The following SGCZ variants were observed in gnomAD, a reference collection of about 807,000 sequenced individuals.
SGCZ encodes sarcoglycan zeta.
A neutral mutation model predicts 41.3 loss-of-function variants in SGCZ; 40 were observed. That is an observed-to-expected ratio of 0.97 (90% CI 0.75 to 1.26). The LOEUF (loss-of-function observed/expected upper bound fraction) is 1.26, where lower values mean the gene tolerates loss of function less well. Ranked by LOEUF, SGCZ falls within the 50% of genes most tolerant of loss-of-function variation. The pLI, the probability that SGCZ is intolerant of heterozygous loss-of-function variation, is 0.00. For missense variants in SGCZ, 552 were observed against 369.8 expected (o/e 1.49, Z -4.04); for synonymous variants, 206 against 137.5 (o/e 1.50, Z -3.49).
chr8:15,065,231 C>G (rs982565206), intron 1 of SGCZ, among the ~76,000 whole-genome samples: 1 of 152,062 alleles, frequency 6.6e-6, no homozygotes, highest in South Asian at 2.1e-4. Context: ...ATTTTCTCAC[C>G]CCTTCCCCTG....
chr8:14,269,179 T>C (rs913266929), intron 3 of SGCZ, among the ~76,000 whole-genome samples: 2 of 152,146 alleles, frequency 1.3e-5, no homozygotes, highest in Non-Finnish European at 2.9e-5. Flanking sequence ...CTTAAGGTTT[T>C]ATCATAGCAT....
intron 4 of SGCZ, among the ~76,000 whole-genome samples, chr8:14,209,665 C>T (rs1211113054): frequency 6.6e-6 from 1 of 151,934 alleles, no homozygotes; most frequent in African/African-American, 2.4e-5. Flanking sequence ...AATATAATAT[C>T]CTTTTTATTA....
intron 1 of SGCZ, among the ~76,000 whole-genome samples, chr8:14,566,790 G>A (rs541390264): frequency 7.2e-5 from 11 of 152,338 alleles, no homozygotes; most frequent in Middle Eastern, 3.4e-3. Context: ...CAAGGCCGGA[G>A]CTGGCTCCCT....
chr8:14,375,653 A>G (rs1326168148), intron 2 of SGCZ, among the ~76,000 whole-genome samples: 1 of 152,194 alleles, frequency 6.6e-6, no homozygotes, highest in Non-Finnish European at 1.5e-5. Context: ...CAGAACATAT[A>G]TATGAAAGTT....
chr8:14,965,246 T>C (rs1474116824), intron 1 of SGCZ, among the ~76,000 whole-genome samples: 1 of 152,052 alleles, frequency 6.6e-6, no homozygotes, highest in Non-Finnish European at 1.5e-5. Flanking sequence ...TCCTCCTCAA[T>C]AGTGCCACCC....
chr8:14,617,785 G>A (rs1460295414), intron 1 of SGCZ, among the ~76,000 whole-genome samples: 2 of 152,040 alleles, frequency 1.3e-5, no homozygotes, highest in Non-Finnish European at 2.9e-5. Flanking sequence ...TCCCTCTGTG[G>A]TTGGGAAAGA....
chr8:14,910,831 T>C (rs1799261051), intron 1 of SGCZ, among the ~76,000 whole-genome samples: 1 of 152,008 alleles, frequency 6.6e-6, no homozygotes, highest in Non-Finnish European at 1.5e-5. Context: ...TACATTCATA[T>C]TCTTATTAAA....
At chr8:15,211,627 A>G (rs1363482222) in intron 1 of SGCZ, among the ~76,000 whole-genome samples, 1 of 152,120 alleles carries the variant, frequency 6.6e-6, no homozygotes, top group Admixed American at 6.6e-5. Flanking sequence ...CTGGAAAACA[A>G]TATCATACCT....
chr8:14,853,838 G>T (rs1803438900), intron 1 of SGCZ, among the ~76,000 whole-genome samples: 1 of 151,784 alleles, frequency 6.6e-6, no homozygotes, highest in African/African-American at 2.4e-5. Flanking sequence ...TGAACCAGAA[G>T]ACCAATTTAG....
chr8:15,143,197 T>C (rs375359258), intron 1 of SGCZ, among the ~76,000 whole-genome samples: 45 of 152,214 alleles, frequency 3.0e-4, no homozygotes, highest in African/African-American at 9.4e-4. Flanking sequence ...TTTCATTAGA[T>C]TGTCTGCTAC....
At chr8:14,782,998 G>C (rs960699477) in intron 1 of SGCZ, among the ~76,000 whole-genome samples, 1 of 152,128 alleles carries the variant, frequency 6.6e-6, no homozygotes, top group African/African-American at 2.4e-5. Flanking sequence ...ATATTCTGCA[G>C]AATAATTTAT....
intron 2 of SGCZ, among the ~76,000 whole-genome samples, chr8:14,515,539 T>C (rs1004387903): frequency 6.6e-6 from 1 of 151,958 alleles, no homozygotes; most frequent in East Asian, 1.9e-4. Flanking sequence ...ACAATATCTA[T>C]TTGAATAGAT....
intron 1 of SGCZ, among the ~76,000 whole-genome samples, chr8:15,024,780 C>G (rs1222543130): frequency 6.6e-6 from 1 of 151,694 alleles, no homozygotes; most frequent in East Asian, 1.9e-4. Context: ...ACTAAAAATA[C>G]AAAAAATTAG....
intron 1 of SGCZ, among the ~76,000 whole-genome samples, chr8:14,875,923 G>A (rs549737386): frequency 4.2e-4 from 64 of 152,160 alleles, no homozygotes; most frequent in Non-Finnish European, 7.6e-4. Flanking sequence ...GGAGCTTTCA[G>A]AATAGCAGAG....
intron 3 of SGCZ, among the ~76,000 whole-genome samples, chr8:14,243,976 A>G (rs1480937380): frequency 2.0e-5 from 3 of 152,176 alleles, no homozygotes; most frequent in Admixed American, 2.0e-4. Context: ...AGACTTTTAA[A>G]AGTATAGTTT....
At chr8:14,346,487 G>A (rs898589019) in intron 2 of SGCZ, among the ~76,000 whole-genome samples, 1 of 152,010 alleles carries the variant, frequency 6.6e-6, no homozygotes, top group Non-Finnish European at 1.5e-5. Flanking sequence ...AGGATACTAA[G>A]GAGGCTGGTT....
At chr8:14,574,348 G>C (rs62498436) in intron 1 of SGCZ, among the ~76,000 whole-genome samples, 26,543 of 149,926 alleles carry the variant, frequency 0.18, 2,838 homozygotes, top group Non-Finnish European at 0.24. Context: ...CCTCAAAGTG[G>C]TTCATAGAAA....
At chr8:14,159,190 T>A (rs1803968160) in intron 5 of SGCZ, among the ~76,000 whole-genome samples, 1 of 152,180 alleles carries the variant, frequency 6.6e-6, no homozygotes, top group Admixed American at 6.5e-5. Flanking sequence ...ACTTTAAACA[T>A]CAAATGGACA....
chr8:14,479,908 A>G (rs7831561), intron 2 of SGCZ, among the ~76,000 whole-genome samples: 137,789 of 152,024 alleles, frequency 0.91, 63,771 homozygotes, highest in East Asian at 1. Flanking sequence ...AGCACGCTCG[A>G]CTAATTTTGT....
Sources: allele counts gnomAD v4.1 joint callset (sites outside exome capture counted in the v4.1 genomes callset), GRCh38; gene constraint gnomAD v4.1.1; transcripts MANE v1.5; gene names NCBI Gene and HGNC (gene_info 2026-07-23, HGNC 2026-07-21).